Variants in GPCPD1 observed in about 807,000 individuals in gnomAD.
GPCPD1 encodes glycerophosphocholine phosphodiesterase 1, also known as glycerophosphocholine phosphodiesterase GPCPD1.
In GPCPD1, 29 loss-of-function variants were observed where a neutral mutation model predicts 89.2. The ratio of observed to expected loss-of-function variants is 0.33; its 90% confidence interval spans 0.24 to 0.44. The LOEUF (loss-of-function observed/expected upper bound fraction) is 0.44. GPCPD1 is among the 20% of genes least tolerant of loss of function. The pLI is 1.00. For missense variants in GPCPD1, 594 were observed against 808.9 expected (o/e 0.73, Z 3.22); for synonymous variants, 258 against 266.3 (o/e 0.97, Z 0.30).
At chr20:5,560,274 A>G (rs1211229509) in intron 16 of GPCPD1, among the ~76,000 whole-genome samples, 198 bp from the exon 17 acceptor site, 5 of 152,254 alleles carry the variant, frequency 3.3e-5, no homozygotes, top group Non-Finnish European at 1.5e-5. Context: ...GACACAGGTC[A>G]TAATTCAGAC....
intron 13 of GPCPD1, 104 bp from the exon 14 acceptor site, chr20:5,566,876 TA>T: frequency 1.3e-6 from 1 of 741,216 alleles, no homozygotes; most frequent in Non-Finnish European, 2.4e-6. Flanking sequence ...AAAAAGCCTA[TA>T]AAACGTAGAA....
At chr20:5,561,415 T>A in intron 16 of GPCPD1, 50 bp downstream of exon 16, 1 of 982,382 alleles carries the variant, frequency 1.0e-6, no homozygotes, top group Non-Finnish European at 1.6e-6. Flanking sequence ...GAAAGAATTT[T>A]TTAGATAGGC....
At chr20:5,559,585 A>AT (rs11459602) in intron 17 of GPCPD1, among the ~76,000 whole-genome samples, 108,330 of 151,904 alleles carry the variant, frequency 0.71, 39,596 homozygotes, top group African/African-American at 0.87. Flanking sequence ...CTCAAAAACA[A>AT]TTTTTTTTAA....
intron 7 of GPCPD1, among the ~76,000 whole-genome samples, chr20:5,579,166 C>T (rs1047145533): frequency 6.6e-6 from 1 of 152,046 alleles, no homozygotes; most frequent in Non-Finnish European, 1.5e-5. Context: ...ACCTGGGTGA[C>T]ACGGCCAGAC....
intron 16 of GPCPD1, 144 bp downstream of exon 16, chr20:5,561,321 G>C (rs1986064811): frequency 2.2e-6 from 1 of 461,052 alleles, no homozygotes; most frequent in Non-Finnish European, 3.9e-6. Flanking sequence ...TTATTTAAAG[G>C]GTCCAATAAG....
chr20:5,589,513 G>A (rs1256900045), intron 4 of GPCPD1, among the ~76,000 whole-genome samples: 2 of 152,098 alleles, frequency 1.3e-5, no homozygotes, highest in Non-Finnish European at 2.9e-5. Flanking sequence ...TCGGAAGGCT[G>A]ATGCAGGAGA....
At chr20:5,581,067 C>T (rs147083850) in intron 6 of GPCPD1, among the ~76,000 whole-genome samples, 48 of 152,086 alleles carry the variant, frequency 3.2e-4, no homozygotes, top group African/African-American at 1.1e-3. Context: ...CAGGGTGTCA[C>T]CATGCTGGCC....
intron 15 of GPCPD1, among the ~76,000 whole-genome samples, chr20:5,563,023 T>A (rs2122591612): frequency 6.6e-6 from 1 of 151,580 alleles, no homozygotes; most frequent in South Asian, 2.1e-4. Flanking sequence ...CGCTCTGTCA[T>A]CCAGGCTGGA....
chr20:5,580,193 G>T, intron 6 of GPCPD1, 62 bp from the exon 7 acceptor site: 3 of 809,718 alleles, frequency 3.7e-6, no homozygotes, highest in South Asian at 1.7e-5. Context: ...AACACAATAA[G>T]TACCTATAGG....
chr20:5,558,004 A>G lies in GPCPD1; in HGVS notation c.1770T>C (p.Asn590=). 1 of 1,601,970 alleles carries G rather than the reference A, an allele frequency of 6.2e-7. No individual in the cohort carries two copies. Among genetic ancestry groups the G allele is most frequent in the Non-Finnish European group, 8.6e-7 (1 of 1,169,344 alleles). The change falls in exon 19 of 20, where the codon AAT becomes AAC. Residue 590 remains asparagine (N), a synonymous_variant. Transcript: ENST00000379019. ...LVIFCWGDDT[N]DPENRRKLKE... is the part of the protein sequence containing the mutation. ...TCAATTTCCTTCTGTTTTCAGGATC[A>G]TTGGTATCATCACCCCAGCAGAATA...
At chr20:5,572,412 C>G (rs1986775527) in intron 11 of GPCPD1, among the ~76,000 whole-genome samples, 2 of 152,056 alleles carry the variant, frequency 1.3e-5, no homozygotes, top group Non-Finnish European at 2.9e-5. Context: ...TTATATACCA[C>G]TAAGAGGGGG....
At chr20:5,605,888 TTCTA>T (rs1317146567) in intron 1 of GPCPD1, among the ~76,000 whole-genome samples, 6 of 152,236 alleles carry the variant, frequency 3.9e-5, no homozygotes, top group African/African-American at 1.4e-4. Context: ...ATCCTGATGA[TTCTA>T]TCTAATTGAC....
At chr20:5,595,110 C>T (rs902676472) in intron 3 of GPCPD1, among the ~76,000 whole-genome samples, 3 of 152,058 alleles carry the variant, frequency 2.0e-5, no homozygotes, top group Non-Finnish European at 2.9e-5. Flanking sequence ...AAACTCTCCA[C>T]CAGCAAAAAG....
chr20:5,600,465 G>A (rs909443637), intron 2 of GPCPD1, among the ~76,000 whole-genome samples: 2 of 152,174 alleles, frequency 1.3e-5, no homozygotes, highest in African/African-American at 4.8e-5. Context: ...GAAGTGGGTG[G>A]ATCACTTGAG....
intron 4 of GPCPD1, among the ~76,000 whole-genome samples, chr20:5,589,380 A>G (rs557564871): frequency 2.6e-5 from 4 of 152,256 alleles, no homozygotes; most frequent in African/African-American, 9.6e-5. Flanking sequence ...GGGAGGTCAA[A>G]GCGGGTGGAT....
chr20:5,580,293 C>G (rs1374918113), intron 6 of GPCPD1, among the ~76,000 whole-genome samples, 162 bp from the exon 7 acceptor site: 1 of 151,712 alleles, frequency 6.6e-6, no homozygotes, highest in Admixed American at 6.6e-5. Flanking sequence ...GATTTGTTTC[C>G]TAAACCCCTG....
chr20:5,565,407 A>T (rs1986345639), intron 14 of GPCPD1, among the ~76,000 whole-genome samples: 1 of 152,002 alleles, frequency 6.6e-6, no homozygotes, highest in African/African-American at 2.4e-5. Flanking sequence ...CATTTTAAAA[A>T]TTTTTTTGTA....
intron 5 of GPCPD1, chr20:5,585,956 T>C (rs577145323): frequency 2.6e-6 from 1 of 387,636 alleles, no homozygotes; most frequent in South Asian, 7.4e-5. Context: ...CATAATAAAC[T>C]AATCTAACCC....
chr20:5,557,805 A>C, intron 19 of GPCPD1, 140 bp downstream of exon 19: 1 of 578,052 alleles, frequency 1.7e-6, no homozygotes, highest in Non-Finnish European at 3.0e-6. Flanking sequence ...AACTTTGAAA[A>C]CACCCACAGG....
Sources: gnomAD v4.1 joint callset for allele counts (sites outside exome capture counted in the v4.1 genomes callset) on GRCh38, gnomAD v4.1.1 for gene constraint, MANE v1.5 for transcripts, NCBI Gene and HGNC (gene_info 2026-07-23, HGNC 2026-07-21) for gene names.